SLC39A11: variants seen among roughly 807,000 people sequenced by gnomAD.
The protein encoded by SLC39A11 is solute carrier family 39 member 11.
A neutral mutation model predicts 36.1 loss-of-function variants in SLC39A11; 33 were observed. That is an observed-to-expected ratio of 0.91 (90% CI 0.69 to 1.22). SLC39A11 has a LOEUF of 1.22. Among genes scored for constraint, SLC39A11 ranks in the 50% most tolerant of loss-of-function variants. The probability of loss-of-function intolerance (pLI) is 0.00; values close to 1 mark genes in which losing one functional copy is unlikely to be tolerated. For synonymous variants in SLC39A11, 166 were observed against 170.3 expected, an observed-to-expected ratio of 0.97 and a Z score of 0.20; for missense variants, 432 against 430.3, an observed-to-expected ratio of 1.00 and a Z score of -0.03.
chr17:72,888,751 A>C (rs150786965), intron 5 of SLC39A11, among the ~76,000 whole-genome samples: 2 of 152,152 alleles, frequency 1.3e-5, no homozygotes, highest in East Asian at 3.9e-4. Flanking sequence ...AAGATGAAAA[A>C]ATTAGCCAGG....
intron 6 of SLC39A11, among the ~76,000 whole-genome samples, chr17:72,801,126 T>C (rs977494702): frequency 2.0e-5 from 3 of 152,144 alleles, no homozygotes; most frequent in Admixed American, 1.3e-4. Context: ...AAACAGAAAG[T>C]AGATTAGTGG....
chr17:72,930,680 C>G (rs908541182), intron 5 of SLC39A11, among the ~76,000 whole-genome samples: 1 of 152,152 alleles, frequency 6.6e-6, no homozygotes, highest in Non-Finnish European at 1.5e-5. Context: ...AGAAGGGTGG[C>G]CTCAAGGAGA....
intron 7 of SLC39A11, among the ~76,000 whole-genome samples, chr17:72,665,431 C>A (rs2070710160): frequency 8.9e-6 from 1 of 111,906 alleles, no homozygotes; most frequent in Non-Finnish European, 1.7e-5. Context: ...CTTGCTGTTG[C>A]CCAGGCTGGA....
intron 6 of SLC39A11, among the ~76,000 whole-genome samples, chr17:72,772,253 T>A (rs2075973611): frequency 1.3e-5 from 2 of 152,218 alleles, no homozygotes; most frequent in South Asian, 4.1e-4. Flanking sequence ...TTCCTCTTCA[T>A]ACCTGAGCAC....
At chr17:72,781,485 G>A (rs1325811627) in intron 6 of SLC39A11, among the ~76,000 whole-genome samples, 3 of 151,224 alleles carry the variant, frequency 2.0e-5, no homozygotes, top group South Asian at 2.1e-4. Flanking sequence ...GTGCAATGGC[G>A]CGATCTCGGC....
At chr17:73,039,576 C>T (rs190937860) in intron 3 of SLC39A11, among the ~76,000 whole-genome samples, 52 of 152,286 alleles carry the variant, frequency 3.4e-4, no homozygotes, top group Non-Finnish European at 5.9e-4. Flanking sequence ...TGGTCTAATG[C>T]CTAATTTTTA....
rs556607846 is a variant in SLC39A11 at position 72,877,185 on chromosome 17, A to C, written c.431-27381T>G. On this transcript the variant is annotated intron_variant, in intron 5 of 9. Coordinates refer to ENST00000255559, the MANE Select transcript of SLC39A11 (RefSeq NM_139177.4). Reference sequence around the variant, plus strand: ...TTTTCTTTAGATCATTGTAAGCCTCAAGTTATAAAAAATGATGGTGTGTGT... The same window carrying C: ...TTTTCTTTAGATCATTGTAAGCCTCCAGTTATAAAAAATGATGGTGTGTGT... 3.3e-5 allele frequency among the ~76,000 whole-genome samples: 5 copies of C among 152,334 alleles called. No individual in the cohort carries two copies. The South Asian group carries it at 1.0e-3, about 32-fold the overall frequency.
chr17:72,673,075 T>C (rs909413464), intron 7 of SLC39A11, among the ~76,000 whole-genome samples: 2 of 152,172 alleles, frequency 1.3e-5, no homozygotes, highest in Non-Finnish European at 2.9e-5. Flanking sequence ...GCCCCTGTTC[T>C]AGGATTCCTT....
intron 3 of SLC39A11, among the ~76,000 whole-genome samples, chr17:73,072,825 G>A (rs1157165749): frequency 1.3e-5 from 2 of 152,204 alleles, no homozygotes; most frequent in Non-Finnish European, 2.9e-5. Context: ...GTTTGAGAAT[G>A]TTCACCTTTG....
At chr17:72,742,511 A>G (rs1415189754) in intron 6 of SLC39A11, among the ~76,000 whole-genome samples, 2 of 152,112 alleles carry the variant, frequency 1.3e-5, no homozygotes, top group Admixed American at 6.5e-5. Flanking sequence ...GTGGGTCTGC[A>G]AGGCACAGAT....
At chr17:72,760,475 G>A (rs1473191498) in intron 6 of SLC39A11, among the ~76,000 whole-genome samples, 14 of 152,164 alleles carry the variant, frequency 9.2e-5, no homozygotes. Flanking sequence ...CAGAGAGGTG[G>A]CGTTGGTTTC....
chr17:72,907,752 T>G (rs2082732876), intron 5 of SLC39A11, among the ~76,000 whole-genome samples: 1 of 152,108 alleles, frequency 6.6e-6, no homozygotes, highest in African/African-American at 2.4e-5. Context: ...ATGCAGAACC[T>G]CCTACTGCAG....
intron 7 of SLC39A11, among the ~76,000 whole-genome samples, chr17:72,656,695 A>C (rs2070139395): frequency 6.6e-6 from 1 of 152,136 alleles, no homozygotes; most frequent in Non-Finnish European, 1.5e-5. Context: ...CAGGGCATCC[A>C]GACTTCTCTT....
In SLC39A11 at chr17:72,724,032, G is replaced by A. The variant is rs184931613; in HGVS notation, c.671+12618C>T. 1.1e-4 allele frequency among the ~76,000 whole-genome samples: 17 copies of A among 152,232 alleles called. No individual in the cohort carries two copies. In the East Asian group the frequency reaches 1.2e-3, roughly 10 times the overall value. On this transcript the variant is annotated intron_variant, in intron 7 of 9. Coordinates refer to ENST00000255559, the MANE Select transcript of SLC39A11 (RefSeq NM_139177.4). ...TCTCAGTCAAAGAAAAATCTTAGAC[G>A]TGCAACTATTGGGCGATCAGTGGTG...
intron 3 of SLC39A11, among the ~76,000 whole-genome samples, chr17:73,061,168 T>G (rs1476497654): frequency 6.6e-6 from 1 of 152,142 alleles, no homozygotes; most frequent in African/African-American, 2.4e-5. Context: ...GAGACCAACC[T>G]GGCCAACATG....
chr17:72,738,932 C>G (rs1184274853), intron 6 of SLC39A11, among the ~76,000 whole-genome samples: 5 of 152,108 alleles, frequency 3.3e-5, no homozygotes, highest in Non-Finnish European at 7.4e-5. Flanking sequence ...GGAGACTTAT[C>G]CCATGTTCAG....
intron 5 of SLC39A11, among the ~76,000 whole-genome samples, chr17:72,904,094 G>C (rs1034482968): frequency 6.6e-6 from 1 of 152,174 alleles, no homozygotes; most frequent in African/African-American, 2.4e-5. Flanking sequence ...GCTAGGGAGG[G>C]CAGATGACAC....
At chr17:72,928,190 T>C (rs1161965556) in intron 5 of SLC39A11, among the ~76,000 whole-genome samples, 2 of 152,226 alleles carry the variant, frequency 1.3e-5, no homozygotes, top group African/African-American at 4.8e-5. Flanking sequence ...TACTGTGTAA[T>C]TGTTGGTTTT....
chr17:73,051,520 G>A (rs2059498374), intron 3 of SLC39A11, among the ~76,000 whole-genome samples: 1 of 151,420 alleles, frequency 6.6e-6, no homozygotes, highest in Non-Finnish European at 1.5e-5. Flanking sequence ...AGTGAAGGAG[G>A]ACAGGTTAGG....
Sources: gnomAD v4.1 joint callset for allele counts (sites outside exome capture counted in the v4.1 genomes callset) on GRCh38, gnomAD v4.1.1 for gene constraint, MANE v1.5 for transcripts, NCBI Gene and HGNC (gene_info 2026-07-23, HGNC 2026-07-21) for gene names.